Variants in WWOX observed in about 807,000 individuals in gnomAD.
WWOX encodes the protein WW domain-containing oxidoreductase.
In WWOX, 69 loss-of-function variants were observed where a neutral mutation model predicts 46.2. The ratio of observed to expected loss-of-function variants is 1.49; its 90% CI spans 1.23 to 1.82. The LOEUF (loss-of-function observed/expected upper bound fraction) is 1.82, where lower values mean the gene tolerates loss of function less well. Ranked by LOEUF, WWOX falls within the 40% of genes most tolerant of loss-of-function variation. The pLI is 0.00. For synonymous variants in WWOX, 359 were observed against 202.6 expected, an observed-to-expected ratio of 1.77 and a Z score of -6.56; for missense variants, 919 against 542.6, an observed-to-expected ratio of 1.69 and a Z score of -6.89.
chr16:78,960,286 A>T (rs2046248305), intron 8 of WWOX, among the ~76,000 whole-genome samples: 1 of 152,204 alleles, frequency 6.6e-6, no homozygotes, highest in African/African-American at 2.4e-5. Flanking sequence ...ACAGAAAATG[A>T]TAGGACTAGG....
At chr16:78,597,930 A>G (rs567309093) in intron 8 of WWOX, among the ~76,000 whole-genome samples, 1 of 152,110 alleles carries the variant, frequency 6.6e-6, no homozygotes, top group Admixed American at 6.5e-5. Flanking sequence ...CTACTGAGTT[A>G]TGTTTGGGTC....
At chr16:78,310,149 G>C (rs934108725) in intron 5 of WWOX, among the ~76,000 whole-genome samples, 3 of 151,196 alleles carry the variant, frequency 2.0e-5, no homozygotes, top group Non-Finnish European at 4.4e-5. Context: ...TTTTGTTGCT[G>C]GTAACTGTAT....
chr16:78,875,173 A>G (rs766589149), intron 8 of WWOX, among the ~76,000 whole-genome samples: 2 of 152,176 alleles, frequency 1.3e-5, no homozygotes, highest in African/African-American at 4.8e-5. Context: ...GCAAGATTGC[A>G]TGAGATTAAG....
At chr16:78,411,543 T>A (rs1386611795) in intron 6 of WWOX, among the ~76,000 whole-genome samples, 1 of 151,556 alleles carries the variant, frequency 6.6e-6, no homozygotes, top group Non-Finnish European at 1.5e-5. Context: ...GAGAAGGGGG[T>A]GTAGTTGTGG....
intron 8 of WWOX, among the ~76,000 whole-genome samples, chr16:78,661,912 T>C (rs2047222926): frequency 6.6e-6 from 1 of 152,102 alleles, no homozygotes. Context: ...GGCGTGGTGA[T>C]ATGCATCTGT....
At chr16:78,951,751 G>C (rs563973886) in intron 8 of WWOX, among the ~76,000 whole-genome samples, 1 of 152,238 alleles carries the variant, frequency 6.6e-6, no homozygotes, top group African/African-American at 2.4e-5. Context: ...GAAGGGGTGA[G>C]AGAGAGCCAC....
intron 8 of WWOX, among the ~76,000 whole-genome samples, chr16:78,912,518 A>C (rs2045138443): frequency 6.6e-6 from 1 of 151,952 alleles, no homozygotes; most frequent in Admixed American, 6.6e-5. Context: ...AAGAAATGCC[A>C]GCTCCTCCGC....
At chr16:78,729,956 G>A (rs1466458707) in intron 8 of WWOX, among the ~76,000 whole-genome samples, 1 of 152,130 alleles carries the variant, frequency 6.6e-6, no homozygotes, top group South Asian at 2.1e-4. Context: ...AGCAATCGAA[G>A]GTCATAGTTT....
intron 5 of WWOX, among the ~76,000 whole-genome samples, chr16:78,269,785 C>T (rs1452582337): frequency 6.6e-6 from 1 of 151,996 alleles, no homozygotes; most frequent in Non-Finnish European, 1.5e-5. Flanking sequence ...TTTCCGAGGC[C>T]GACATAACTG....
At chr16:78,608,457 TA>T (rs1172534918) in intron 8 of WWOX, among the ~76,000 whole-genome samples, 2 of 152,338 alleles carry the variant, frequency 1.3e-5, no homozygotes, top group African/African-American at 2.4e-5. Context: ...GAAGTTGCCT[TA>T]TAAAGCTGCG....
chr16:78,232,855 T>TC (rs397824038), intron 5 of WWOX, among the ~76,000 whole-genome samples: 54 of 147,226 alleles, frequency 3.7e-4, no homozygotes, highest in African/African-American at 1.1e-3. Context: ...TCTTTTCTTT[T>TC]TTTTTAAGAT....
chr16:78,634,255 T>C (rs1368470092), intron 8 of WWOX, among the ~76,000 whole-genome samples: 1 of 152,214 alleles, frequency 6.6e-6, no homozygotes, highest in Non-Finnish European at 1.5e-5. Flanking sequence ...TAGTTAAGTG[T>C]ATGACAAGTA....
In WWOX at chr16:78,386,911, G is replaced by A. The variant is rs769400934; in HGVS notation, c.568G>A (p.Val190Met). The change falls in exon 6 of 9, where the codon GTG (valine) becomes ATG (methionine). Residue 190 changes from valine to methionine, a missense_variant. Val to Met is a conservative substitution (Grantham distance 21). Coordinates refer to ENST00000566780, the MANE Select transcript of WWOX (RefSeq NM_016373.4). Reference sequence around the variant, plus strand: ...CCTGGACCTCGCTCTGCTCCGTAGCGTGCAGCATTTTGCTGAAGCATTCAA... The same window carrying A: ...CCTGGACCTCGCTCTGCTCCGTAGCATGCAGCATTTTGCTGAAGCATTCAA... ...MTLDLALLRS[V>M]QHFAEAFKAK... 2.5e-5 allele frequency: 41 copies of A among 1,613,986 alleles called. No individual in the cohort carries two copies. The highest frequency in any genetic ancestry group is 6.7e-5 in the East Asian group (3 of 44,900).
intron 5 of WWOX, among the ~76,000 whole-genome samples, chr16:78,294,912 A>G (rs1298659047): frequency 3.3e-5 from 5 of 152,222 alleles, no homozygotes; most frequent in Non-Finnish European, 7.3e-5. Flanking sequence ...TGGGTCAAGA[A>G]CAAGATTCGG....
At chr16:78,705,512 C>T (rs2048311108) in intron 8 of WWOX, among the ~76,000 whole-genome samples, 1 of 152,184 alleles carries the variant, frequency 6.6e-6, no homozygotes, top group South Asian at 2.1e-4. Context: ...CTTCGCCTCA[C>T]ACGTTTGCTA....
At chr16:78,799,131 G>C (rs1014599875) in intron 8 of WWOX, among the ~76,000 whole-genome samples, 1 of 151,792 alleles carries the variant, frequency 6.6e-6, no homozygotes, top group Non-Finnish European at 1.5e-5. Context: ...TATGGTTCCT[G>C]GCATTTGTGT....
rs1265632329 is a variant in WWOX at position 78,493,330 on chromosome 16, C to A, written c.1056+60578C>A. ...AGCATTATTTGGGTCCAGAAGCTTCCCTGGAAAGAAAGGATTCACTGCAAG... is the reference window on the plus strand; with the variant it reads ...AGCATTATTTGGGTCCAGAAGCTTCACTGGAAAGAAAGGATTCACTGCAAG... On this transcript the variant is annotated intron_variant, in intron 8 of 8. Transcript: ENST00000566780. Among the ~76,000 whole-genome samples the A allele has an allele frequency of 3.9e-5, 6 of 152,096 alleles. 1 individual carries two copies. Among genetic ancestry groups the A allele is most frequent in the Admixed American group, 3.3e-4 (5 of 15,272 alleles).
intron 8 of WWOX, among the ~76,000 whole-genome samples, chr16:79,073,951 C>G (rs530301425): frequency 2.1e-4 from 32 of 151,602 alleles, no homozygotes; most frequent in African/African-American, 7.7e-4. Flanking sequence ...TTTTTAAAAT[C>G]TCTTCTGGAG....
At chr16:78,134,852 T>C (rs1176811911) in intron 4 of WWOX, among the ~76,000 whole-genome samples, 1 of 152,176 alleles carries the variant, frequency 6.6e-6, no homozygotes, top group Non-Finnish European at 1.5e-5. Flanking sequence ...TGTGAGGATA[T>C]TGGTAATATT....
Sources: gnomAD v4.1 joint callset for allele counts (sites outside exome capture counted in the v4.1 genomes callset) on GRCh38, gnomAD v4.1.1 for gene constraint, MANE v1.5 for transcripts, NCBI Gene and HGNC (gene_info 2026-07-23, HGNC 2026-07-21) for gene names.